The following FGD4 variants were observed in gnomAD, a reference collection of about 807,000 sequenced individuals.
FGD4 encodes the protein FYVE, RhoGEF and PH domain containing 4, also known as FYVE, RhoGEF and PH domain-containing protein 4.
FGD4 carries 42 observed loss-of-function variants against 102.0 expected under a neutral mutation model. The ratio of observed to expected loss-of-function variants is 0.41; its 90% CI spans 0.32 to 0.53. FGD4 has a LOEUF of 0.53. FGD4 is among the 20% of genes least tolerant of loss of function. The pLI, the probability that FGD4 is intolerant of heterozygous loss-of-function variation, is 0.21. For missense variants in FGD4, 902 were observed against 1,078.2 expected (o/e 0.84, Z 2.29); for synonymous variants, 380 against 375.7 (o/e 1.01, Z -0.13).
At chr12:32,507,045 C>T (rs1244748651) in intron 1 of FGD4, among the ~76,000 whole-genome samples, 7 of 151,688 alleles carry the variant, frequency 4.6e-5, no homozygotes, top group Admixed American at 3.9e-4. Context: ...CGTCATTTAG[C>T]ATTAGGTATA....
intron 1 of FGD4, among the ~76,000 whole-genome samples, chr12:32,492,274 T>C (rs1049343478): frequency 4.6e-5 from 7 of 152,196 alleles, no homozygotes; most frequent in African/African-American, 1.4e-4. Flanking sequence ...TAAAAGTTAA[T>C]TAAGTGGCTT....
chr12:32,465,561 G>A (rs1454787597), intron 1 of FGD4, among the ~76,000 whole-genome samples: 1 of 152,004 alleles, frequency 6.6e-6, no homozygotes, highest in African/African-American at 2.4e-5. Flanking sequence ...CCAGCTACTC[G>A]GGAGGCTGAG....
intron 1 of FGD4, among the ~76,000 whole-genome samples, chr12:32,416,417 T>C (rs1128591): frequency 0.54 from 82,545 of 152,030 alleles, 23,389 homozygotes; most frequent in African/African-American, 0.71. Context: ...TCTTCTCTTC[T>C]TTCTTTCCTT....
At chr12:32,551,047 T>C (rs539940573) in intron 1 of FGD4, among the ~76,000 whole-genome samples, 1 of 152,228 alleles carries the variant, frequency 6.6e-6, no homozygotes, top group African/African-American at 2.4e-5. Context: ...TATATTAGTT[T>C]GCAAGAGTCA....
chr12:32,552,336 T>G (rs2136198802), intron 1 of FGD4, among the ~76,000 whole-genome samples: 1 of 152,120 alleles, frequency 6.6e-6, no homozygotes, highest in Middle Eastern at 3.4e-3. Context: ...CTCGGCTCAC[T>G]GCAACCTCCA....
At chr12:32,638,909 T>C in intron 16 of FGD4, 114 bp downstream of exon 16, 1 of 1,548,846 alleles carries the variant, frequency 6.5e-7, no homozygotes, top group Non-Finnish European at 8.7e-7. Flanking sequence ...CACTGTTTCA[T>C]TAAAATTGAA....
intron 1 of FGD4, among the ~76,000 whole-genome samples, chr12:32,473,460 C>A (rs1480051885): frequency 6.6e-6 from 1 of 152,026 alleles, no homozygotes; most frequent in Non-Finnish European, 1.5e-5. Context: ...GTAACACTCA[C>A]CGCAAAGGTC....
intron 1 of FGD4, among the ~76,000 whole-genome samples, chr12:32,554,248 G>A (rs1943922189): frequency 1.3e-5 from 2 of 152,012 alleles, no homozygotes; most frequent in Non-Finnish European, 2.9e-5. Context: ...GGTATGTATA[G>A]CTTTTAACTT....
intron 1 of FGD4, among the ~76,000 whole-genome samples, chr12:32,492,932 A>G (rs1350606661): frequency 6.6e-6 from 1 of 152,230 alleles, no homozygotes; most frequent in Non-Finnish European, 1.5e-5. Context: ...CTTTCCAGGA[A>G]CAGACAGTGA....
At chr12:32,401,178 A>G (rs2136373998) in intron 1 of FGD4, among the ~76,000 whole-genome samples, 1 of 152,310 alleles carries the variant, frequency 6.6e-6, no homozygotes, top group East Asian at 1.9e-4. Context: ...GATCGAAGGT[A>G]TTTATTTAAT....
chr12:32,527,200 T>C (rs2136796387), intron 1 of FGD4, among the ~76,000 whole-genome samples: 1 of 152,232 alleles, frequency 6.6e-6, no homozygotes, highest in Admixed American at 6.5e-5. Flanking sequence ...AATAATAAAA[T>C]TATGTTTGTT....
chr12:32,640,174 C>G, intron 16 of FGD4, 102 bp from the exon 17 acceptor site: 1 of 1,577,162 alleles, frequency 6.3e-7, no homozygotes, highest in Non-Finnish European at 8.7e-7. Context: ...CCGTTTAAGT[C>G]TGTTTGGGAC....
chr12:32,620,012 G>A lies in FGD4; in HGVS notation c.1922+142G>A, dbSNP rs1417632927. On this transcript the variant is annotated intron_variant, in intron 11 of 16. Coordinates refer to ENST00000534526, the MANE Select transcript of FGD4 (RefSeq NM_001370298.3). ...GGTTGGATGTAAATGCAGAGCTGTA[G>A]GTTCTTGAAAAGCAGGAGTCATGTC... 10 of 1,003,614 alleles carry A rather than the reference G, an allele frequency of 1.0e-5. No homozygotes were observed. The Admixed American group carries it at 1.7e-4, about 17-fold the overall frequency. 62.2% of individuals were successfully genotyped at this position (1,003,614 alleles called of 1,614,324 possible).
chr12:32,570,311 T>G (rs1186958322), intron 2 of FGD4, among the ~76,000 whole-genome samples: 2 of 151,726 alleles, frequency 1.3e-5, no homozygotes, highest in South Asian at 4.2e-4. Context: ...TGGTGTCAGC[T>G]TATGGATTTA....
chr12:32,598,911 A>G (rs937158711), intron 5 of FGD4, among the ~76,000 whole-genome samples: 1 of 152,160 alleles, frequency 6.6e-6, no homozygotes, highest in Admixed American at 6.5e-5. Context: ...TCTAAATAAG[A>G]TATTGATGAT....
intron 1 of FGD4, among the ~76,000 whole-genome samples, chr12:32,481,002 A>C (rs1943744897): frequency 6.6e-6 from 1 of 151,530 alleles, no homozygotes; most frequent in African/African-American, 2.4e-5. Context: ...ATGCATGCTG[A>C]GATGGGGTCT....
rs113625166 is a variant in FGD4, at chr12:32,554,369, A to C, written c.167-9768A>C. Among the ~76,000 whole-genome samples, 1,132 of 152,328 alleles carry C rather than the reference A, an allele frequency of 7.4e-3. 14 individuals are homozygous for C. Among genetic ancestry groups the C allele is most frequent in the African/African-American group, 0.026 (1,091 of 41,570 alleles). The stretch of plus-strand genomic sequence containing the variant: ...AAATTTTATATAGGTTGGGCTCTAG[A>C]TATTTCCATATTGTCAGAATTTAGA... On this transcript the variant is annotated intron_variant, in intron 1 of 16. Coordinates refer to ENST00000534526, the MANE Select transcript of FGD4 (RefSeq NM_001370298.3).
At chr12:32,531,390 C>T (rs970658535) in intron 1 of FGD4, among the ~76,000 whole-genome samples, 2 of 152,046 alleles carry the variant, frequency 1.3e-5, no homozygotes, top group Non-Finnish European at 2.9e-5. Flanking sequence ...GTCATATAAC[C>T]ACCACCACCA....
At position 32,586,962 on chromosome 12, in the gene FGD4, A is replaced by G. The variant is rs183671230; in HGVS notation, c.1011+4495A>G. Among the ~76,000 whole-genome samples, 619 of 152,206 alleles carry G rather than the reference A, an allele frequency of 4.1e-3. 3 individuals are homozygous for G. The highest frequency in any genetic ancestry group is 0.014 in the African/African-American group (599 of 41,550). On this transcript the variant is annotated intron_variant, in intron 4 of 16. Coordinates refer to ENST00000534526, the MANE Select transcript of FGD4 (RefSeq NM_001370298.3). ...TCCCAGCACTTTGGGAGGCCAAGGT[A>G]GGGGGATCACCTGAGGTCAGGAGTT...
Sources: gnomAD v4.1 joint callset for allele counts (sites outside exome capture counted in the v4.1 genomes callset) on GRCh38, gnomAD v4.1.1 for gene constraint, MANE v1.5 for transcripts, NCBI Gene and HGNC (gene_info 2026-07-23, HGNC 2026-07-21) for gene names.